Variants in LCP1 observed in about 807,000 individuals in gnomAD.
The protein encoded by LCP1 is plastin-2.
A neutral mutation model predicts 72.0 loss-of-function variants in LCP1; 23 were observed. That is an observed-to-expected ratio of 0.32 (90% CI 0.23 to 0.45). The LOEUF (loss-of-function observed/expected upper bound fraction) is 0.45. Ranked by LOEUF, LCP1 falls within the 20% of genes least tolerant of loss-of-function variation. LCP1 has a pLI of 1.00. For missense variants in LCP1, 571 were observed against 748.3 expected, an observed-to-expected ratio of 0.76 and a Z score of 2.76; for synonymous variants, 245 against 275.4, an observed-to-expected ratio of 0.89 and a Z score of 1.09.
intron 14 of LCP1, among the ~76,000 whole-genome samples, chr13:46,132,332 C>A (rs2045639134): frequency 6.6e-6 from 1 of 152,110 alleles, no homozygotes; most frequent in Non-Finnish European, 1.5e-5. Flanking sequence ...ATGTAACTGG[C>A]CACTTCATAT....
At chr13:46,144,814 A>G (rs2045720306) in intron 10 of LCP1, among the ~76,000 whole-genome samples, 2 of 152,184 alleles carry the variant, frequency 1.3e-5, no homozygotes, top group African/African-American at 4.8e-5. Flanking sequence ...CAGGACTTTT[A>G]GGCATCAAAC....
chr13:46,145,765 C>T (rs1355995003), intron 10 of LCP1, among the ~76,000 whole-genome samples: 1 of 117,032 alleles, frequency 8.5e-6, no homozygotes. Flanking sequence ...AAAAATTAGC[C>T]GGGCGTAGTG....
chr13:46,144,824 C>T (rs1388131318), intron 10 of LCP1, among the ~76,000 whole-genome samples: 1 of 152,126 alleles, frequency 6.6e-6, no homozygotes, highest in African/African-American at 2.4e-5. Context: ...AGGCATCAAA[C>T]AGAGATCATA....
At chr13:46,151,118 A>G (rs777711557) in intron 7 of LCP1, 40 bp from the exon 8 acceptor site, 1 of 1,577,820 alleles carries the variant, frequency 6.3e-7, no homozygotes, top group Admixed American at 2.0e-5. Context: ...AAATGCAGCG[A>G]TGTTGGGGGA....
chr13:46,128,579 CAA>C (rs2045615361), intron 15 of LCP1, among the ~76,000 whole-genome samples: 1 of 151,638 alleles, frequency 6.6e-6, no homozygotes, highest in African/African-American at 2.4e-5. Context: ...GCCTGGGCAA[CAA>C]AGTGAGACTC....
rs1003252286 is a variant in LCP1, at chr13:46,126,772, C to T, written c.*819G>A. The stretch of plus-strand genomic sequence containing the variant: ...GTGGCTTGATGCTCCATTACACCCT[C>T]CTTGGATCCAACCTTCCATTAAGGC... On this transcript the variant is annotated 3_prime_UTR_variant, in exon 16 of 16. Transcript: ENST00000323076. 3.0e-5 allele frequency: 7 copies of T among 231,172 alleles called. No individual in the cohort carries two copies. The highest frequency in any genetic ancestry group is 1.3e-4 in the African/African-American group (6 of 45,222). 14.3% of individuals were successfully genotyped at this position (231,172 alleles called of 1,614,324 possible).
chr13:46,136,098 C>T (rs1224021984), intron 13 of LCP1, among the ~76,000 whole-genome samples: 4 of 151,642 alleles, frequency 2.6e-5, no homozygotes, highest in African/African-American at 9.7e-5. Flanking sequence ...CACACACACA[C>T]ACACACACAC....
At chr13:46,160,871 G>A (rs1237701300) in intron 1 of LCP1, among the ~76,000 whole-genome samples, 2 of 151,724 alleles carry the variant, frequency 1.3e-5, no homozygotes, top group African/African-American at 4.8e-5. Flanking sequence ...GGAAGTTATC[G>A]ATTTAAAAAA....
chr13:46,160,103 T>C (rs2045828903), intron 1 of LCP1, among the ~76,000 whole-genome samples: 1 of 152,186 alleles, frequency 6.6e-6, no homozygotes, highest in Non-Finnish European at 1.5e-5. Flanking sequence ...CATGAGACAT[T>C]TAAGCCACAT....
chr13:46,135,494 G>A (rs547830739), intron 13 of LCP1, among the ~76,000 whole-genome samples: 23 of 152,274 alleles, frequency 1.5e-4, no homozygotes, highest in African/African-American at 5.5e-4. Flanking sequence ...TGACTTTCCA[G>A]ATGGTTTTCA....
At chr13:46,153,161 A>C (rs912271036) in intron 6 of LCP1, 7 of 437,866 alleles carry the variant, frequency 1.6e-5, no homozygotes, top group Non-Finnish European at 2.0e-5. Flanking sequence ...GGTCCATTCA[A>C]TCAAACCAGC....
chr13:46,151,125 G>T (rs749535215), intron 7 of LCP1, 47 bp from the exon 8 acceptor site: 2 of 1,575,862 alleles, frequency 1.3e-6, no homozygotes, highest in Admixed American at 3.9e-5. Context: ...GCGATGTTGG[G>T]GGAGGGGGGT....
At chr13:46,168,230 G>A (rs377594075) in intron 1 of LCP1, among the ~76,000 whole-genome samples, 6 of 152,206 alleles carry the variant, frequency 3.9e-5, no homozygotes, top group East Asian at 1.9e-4. Flanking sequence ...GAGAAGCGGA[G>A]TCCGTTCTAT....
intron 4 of LCP1, among the ~76,000 whole-genome samples, chr13:46,157,638 A>T (rs1355262617): frequency 6.6e-6 from 1 of 152,024 alleles, no homozygotes; most frequent in Non-Finnish European, 1.5e-5. Flanking sequence ...AAAGATTCAC[A>T]TTGCACATTT....
At chr13:46,164,073 C>G (rs989500841) in intron 1 of LCP1, among the ~76,000 whole-genome samples, 2 of 152,088 alleles carry the variant, frequency 1.3e-5, no homozygotes, top group African/African-American at 4.8e-5. Flanking sequence ...CTATATTGAC[C>G]CAGTTAGTTA....
intron 1 of LCP1, among the ~76,000 whole-genome samples, chr13:46,180,790 A>G (rs2045952395): frequency 6.6e-6 from 1 of 152,232 alleles, no homozygotes; most frequent in East Asian, 1.9e-4. Context: ...ATTCCTTCAC[A>G]TTCGAATTTA....
At chr13:46,143,028 C>T (rs1310238777) in intron 12 of LCP1, among the ~76,000 whole-genome samples, 1 of 152,206 alleles carries the variant, frequency 6.6e-6, no homozygotes, top group Non-Finnish European at 1.5e-5. Flanking sequence ...CCCTGTGGCT[C>T]TCTGCTTGCT....
In LCP1 at chr13:46,150,936, C is replaced by A; in HGVS notation, c.882G>T (p.Lys294Asn). The change falls in exon 8 of 16, where the codon AAG becomes AAT. Residue 294 changes from lysine to asparagine, a missense_variant and splice_region_variant. By Grantham distance (94) the Lys-to-Asn change is moderately conservative. Transcript: ENST00000323076. ...CATGTTCAAACAACGCTCCTCCTAC[C>A]TTGATGTCAGTACTGAAGTTGCCAA... ...NKIGNFSTDI[K>N]DSKAYYHLLE... is the part of the protein sequence containing the mutation. 1 of 1,613,396 alleles carries A rather than the reference C, an allele frequency of 6.2e-7. No homozygotes were observed. Among genetic ancestry groups the A allele is most frequent in the Non-Finnish European group, 8.5e-7 (1 of 1,179,630 alleles).
chr13:46,137,209 T>TA (rs150494599), intron 13 of LCP1, among the ~76,000 whole-genome samples: 3,961 of 129,784 alleles, frequency 0.031, 63 homozygotes, highest in South Asian at 0.045. Context: ...AGTAAAACGA[T>TA]AAAAAAAAAA....
Sources: allele counts gnomAD v4.1 joint callset (sites outside exome capture counted in the v4.1 genomes callset), GRCh38; gene constraint gnomAD v4.1.1; transcripts MANE v1.5; gene names NCBI Gene and HGNC (gene_info 2026-07-23, HGNC 2026-07-21).